ZNF846: variants seen among roughly 807,000 people sequenced by gnomAD.
ZNF846 encodes zinc finger protein 420 pseudogene.
In ZNF846, 15 loss-of-function variants were observed where a neutral mutation model predicts 16.0. The observed-to-expected ratio is 0.94, with a 90% CI of 0.63 to 1.45. The LOEUF (loss-of-function observed/expected upper bound fraction) is 1.45, where lower values mean the gene tolerates loss of function less well. Ranked by LOEUF, ZNF846 falls within the 40% of genes most tolerant of loss-of-function variation. The pLI is 0.00. For missense variants in ZNF846, 714 were observed against 622.3 expected, an observed-to-expected ratio of 1.15 and a Z score of -1.57; for synonymous variants, 229 against 212.0, an observed-to-expected ratio of 1.08 and a Z score of -0.70.
chr19:9,759,915 C>G, exon 5 of ZNF846: 1 of 1,612,908 alleles, frequency 6.2e-7, no homozygotes, highest in Non-Finnish European at 8.5e-7. Context: ...CAGTGGGGAG[C>G]CTTTGGTTTT....
At chr19:9,765,058 G>T in intron 1 of ZNF846, 23 bp from the exon 2 acceptor site, 1 of 1,227,790 alleles carries the variant, frequency 8.1e-7, no homozygotes. Flanking sequence ...ATAATGGCAT[G>T]TCAGTTGGAT....
chr19:9,773,755 C>G (rs1001360176), intron 1 of ZNF846, among the ~76,000 whole-genome samples: 7 of 151,920 alleles, frequency 4.6e-5, no homozygotes, highest in African/African-American at 1.7e-4. Context: ...GCACTTCAGC[C>G]TGGGCGACAG....
At chr19:9,783,096 A>C (rs1375713742) in intron 1 of ZNF846, among the ~76,000 whole-genome samples, 1 of 151,050 alleles carries the variant, frequency 6.6e-6, no homozygotes, top group African/African-American at 2.4e-5. Context: ...TGATTTTTAA[A>C]TTTTTTTGTA....
At position 9,762,182 on chromosome 19, in the gene ZNF846, T is replaced by G. The variant is rs1210184901; in HGVS notation, c.143-14A>C. 1 of 1,610,590 alleles carries G rather than the reference T, an allele frequency of 6.2e-7. No individual in the cohort carries two copies. The highest frequency in any genetic ancestry group is 2.2e-5 in the East Asian group (1 of 44,850). On this transcript the variant is annotated splice_polypyrimidine_tract_variant and intron_variant, in intron 3 of 5. Coordinates refer to ENST00000397902, the Ensembl canonical transcript of ZNF846. ...ATTCAGACCCTGCTGGAGGGAAAAA[T>G]GCACAAAAGAAGAGGCCCATGCAAG...
upstream of ZNF846, among the ~76,000 whole-genome samples, chr19:9,773,423 T>C (rs1472991135): frequency 6.6e-6 from 1 of 152,176 alleles, no homozygotes; most frequent in East Asian, 1.9e-4. Flanking sequence ...TGTGTGTGTG[T>C]GTCTGTGTGT....
At chr19:9,776,847 C>T (rs1335057519) in intron 1 of ZNF846, among the ~76,000 whole-genome samples, 1 of 152,112 alleles carries the variant, frequency 6.6e-6, no homozygotes. Flanking sequence ...AGCAAGAGAA[C>T]TCCAGGGAAA....
chr19:9,764,831 AG>A, intron 2 of ZNF846, 104 bp downstream of exon 2: 1 of 1,347,876 alleles, frequency 7.4e-7, no homozygotes, highest in Non-Finnish European at 1.1e-6. Flanking sequence ...TTTCCTGAGC[AG>A]GACCATCATT....
chr19:9,759,760 C>G lies in ZNF846; in HGVS notation c.312+100G>C, dbSNP rs1038422643. 58 of 824,208 alleles carry G rather than the reference C, an allele frequency of 7.0e-5. 3 individuals carry two copies. In the African/African-American group the frequency reaches 9.1e-4, roughly 13 times the overall value. The allele number at this position is 824,208 out of a possible 1,614,324, so 51.1% of individuals were successfully genotyped here. A position where few individuals can be genotyped will look rare whatever the true frequency, so the allele number is the denominator to read the frequency against. On this transcript the variant is annotated intron_variant, in intron 5 of 5. Transcript: ENST00000397902. ...ATGATATTCAGAGAATCTCTTCAGA[C>G]TTTGTTTTCTCTGGGTAAATGCCAT...
chr19:9,783,218 CTTTTTTTTTTTTTT>C (rs74183307), intron 1 of ZNF846, among the ~76,000 whole-genome samples: 1 of 65,366 alleles, frequency 1.5e-5, no homozygotes, highest in African/African-American at 6.3e-5. Flanking sequence ...CCCTATAATT[CTTTTTTTTTTTTTT>C]TTTTTTTTTT....
exon 6 of ZNF846, chr19:9,757,692 G>A: frequency 6.2e-7 from 1 of 1,613,058 alleles, no homozygotes; most frequent in Non-Finnish European, 8.5e-7. Context: ...AAGATTTGTG[G>A]AACGAGCAAA....
chr19:9,760,815 G>A lies in ZNF846; in HGVS notation c.230-873C>T, dbSNP rs567302327. Among the ~76,000 whole-genome samples, 169 of 151,704 alleles carry A rather than the reference G, an allele frequency of 1.1e-3. 3 individuals are homozygous for A. The highest frequency in any genetic ancestry group is 4.0e-3 in the African/African-American group (163 of 41,032). On this transcript the variant is annotated intron_variant, in intron 4 of 5. Coordinates refer to ENST00000397902, the Ensembl canonical transcript of ZNF846. ...TAAGATATACAGAAAGGGTAAATCC[G>A]TAGAGAGAGAAAGCAAATTAGTCTC...
chr19:9,757,722 C>A lies in ZNF846; in HGVS notation c.1355G>T (p.Cys452Phe), dbSNP rs370866492. 56 of 1,613,268 alleles carry A rather than the reference C, an allele frequency of 3.5e-5. No homozygotes were observed. Among genetic ancestry groups the A allele is most frequent in the Non-Finnish European group, 4.5e-5 (53 of 1,179,836 alleles). ...AGCAAATGCTTTACCGCATTCCTTA[C>A]ATTCACAGGCCTTTTCTCCAGTGTG... The change falls in exon 6 of 6, where the codon TGT becomes TTT. Residue 452 changes from cysteine to phenylalanine, a missense_variant. Cys to Phe is a radical substitution (Grantham distance 205, BLOSUM62 -2). Coordinates refer to ENST00000397902, the Ensembl canonical transcript of ZNF846.
intron 5 of ZNF846, among the ~76,000 whole-genome samples, chr19:9,758,985 A>G (rs1040628474): frequency 6.6e-6 from 1 of 151,736 alleles, no homozygotes; most frequent in African/African-American, 2.4e-5. Flanking sequence ...CTTCTTAGAC[A>G]ATCTGTCTGA....
chr19:9,753,830 T>C (rs1420196584), downstream of ZNF846, among the ~76,000 whole-genome samples: 2 of 151,758 alleles, frequency 1.3e-5, no homozygotes, highest in African/African-American at 4.9e-5. Flanking sequence ...TAACACATGG[T>C]TTCTCCTGGA....
At chr19:9,763,766 C>T (rs2045268691) in intron 2 of ZNF846, among the ~76,000 whole-genome samples, 1 of 152,218 alleles carries the variant, frequency 6.6e-6, no homozygotes, top group Non-Finnish European at 1.5e-5. Flanking sequence ...ACATCTCCAT[C>T]CCTTTCTTAC....
intron 1 of ZNF846, among the ~76,000 whole-genome samples, chr19:9,780,082 G>A (rs1006154792): frequency 2.1e-5 from 3 of 139,976 alleles, no homozygotes; most frequent in African/African-American, 8.6e-5. Context: ...GTAGAGATGA[G>A]GTCTCACTAT....
At chr19:9,774,943 A>G (rs541701568) in intron 1 of ZNF846, 38 of 1,609,510 alleles carry the variant, frequency 2.4e-5, no homozygotes, top group Non-Finnish European at 3.0e-5. Context: ...AATATGGGGA[A>G]AGTGACCTGT....
At chr19:9,766,832 G>A (rs1311485998) in intron 1 of ZNF846, among the ~76,000 whole-genome samples, 1 of 150,924 alleles carries the variant, frequency 6.6e-6, no homozygotes, top group African/African-American at 2.4e-5. Flanking sequence ...CCCGGGAGGT[G>A]GAGGTTGCAG....
At chr19:9,757,182 G>C (rs957090689), downstream of ZNF846, among the ~76,000 whole-genome samples, 4 of 150,458 alleles carry the variant, frequency 2.7e-5, no homozygotes, top group Admixed American at 6.6e-5. Flanking sequence ...GTGAGAGAGA[G>C]AGACTCTGTC....
Sources: gnomAD v4.1 joint callset for allele counts (sites outside exome capture counted in the v4.1 genomes callset) on GRCh38, gnomAD v4.1.1 for gene constraint, MANE v1.5 for transcripts, NCBI Gene and HGNC (gene_info 2026-07-23, HGNC 2026-07-21) for gene names.